The following CUX1 variants were observed in gnomAD, a reference collection of about 807,000 sequenced individuals.
CUX1 encodes the protein cut like homeobox 1, also known as protein CASP.
In CUX1, 31 loss-of-function variants were observed where a neutral mutation model predicts 158.8. That is an observed-to-expected ratio of 0.20 (90% confidence interval 0.15 to 0.26). CUX1 has a LOEUF of 0.26. CUX1 is among the 10% of genes least tolerant of loss of function. The pLI is 1.00. For synonymous variants in CUX1, 879 were observed against 862.1 expected, an observed-to-expected ratio of 1.02 and a Z score of -0.34; for missense variants, 1,589 against 2,014.6, an observed-to-expected ratio of 0.79 and a Z score of 4.04.
intron 1 of CUX1, among the ~76,000 whole-genome samples, chr7:101,865,999 C>G (rs1453259440): frequency 6.6e-6 from 1 of 152,152 alleles, no homozygotes; most frequent in African/African-American, 2.4e-5. Context: ...CCCTTTATTG[C>G]AGACTGGAAC....
intron 17 of CUX1, among the ~76,000 whole-genome samples, chr7:102,276,267 A>T (rs1791600148): frequency 6.6e-6 from 1 of 152,086 alleles, no homozygotes; most frequent in Non-Finnish European, 1.5e-5. Flanking sequence ...AGGAAGCGTC[A>T]TACTGCCATA....
chr7:101,820,336 C>G (rs1036350150), intron 1 of CUX1, among the ~76,000 whole-genome samples: 1 of 152,162 alleles, frequency 6.6e-6, no homozygotes, highest in Non-Finnish European at 1.5e-5. Context: ...AAGAATCCTA[C>G]AGAGGTAGGT....
At chr7:101,861,080 C>A (rs1353176207) in intron 1 of CUX1, among the ~76,000 whole-genome samples, 1 of 152,172 alleles carries the variant, frequency 6.6e-6, no homozygotes, top group African/African-American at 2.4e-5. Flanking sequence ...CTGCACCCGG[C>A]CTGCACTAGT....
At chr7:102,060,916 T>G (rs1199280031) in intron 3 of CUX1, among the ~76,000 whole-genome samples, 2 of 136,246 alleles carry the variant, frequency 1.5e-5, no homozygotes, top group Non-Finnish European at 3.1e-5. Context: ...CTGGCCTTTT[T>G]TTTTTTTTTT....
intron 3 of CUX1, among the ~76,000 whole-genome samples, chr7:102,036,833 T>C (rs1220162534): frequency 1.3e-5 from 2 of 151,884 alleles, no homozygotes; most frequent in Admixed American, 6.6e-5. Flanking sequence ...AAAGATGGTA[T>C]GGATCAGTGA....
chr7:102,082,960 C>T lies in CUX1; in HGVS notation c.268+12543C>T, dbSNP rs905848247. On this transcript the variant is annotated intron_variant, in intron 4 of 23. Coordinates refer to ENST00000292535, the MANE Select transcript of CUX1 (RefSeq NM_181552.4). ...TGTTTTTATTTCCCTTAGGCAAATA[C>T]TTAGGATGAGGGTCAGGGAACCTGT... 2.7e-5 allele frequency among the ~76,000 whole-genome samples: 4 copies of T among 147,452 alleles called. 1 individual carries two copies. The highest frequency in any genetic ancestry group is 6.1e-5 in the Non-Finnish European group (4 of 65,280).
At chr7:101,822,568 A>G (rs779104477) in intron 1 of CUX1, 1 of 152,310 alleles carries the variant, frequency 6.6e-6, no homozygotes, top group South Asian at 2.1e-4. Flanking sequence ...GTGCTGCCCT[A>G]TTCGGGTATT....
chr7:102,235,937 G>C (rs558920683), intron 22 of CUX1, among the ~76,000 whole-genome samples: 246 of 152,140 alleles, frequency 1.6e-3, no homozygotes, highest in African/African-American at 5.6e-3. Context: ...AGTGTCTGGT[G>C]CCTCCTCCAG....
At chr7:102,158,508 C>G (rs373155551) in intron 8 of CUX1, 52 bp from the exon 9 acceptor site, 1 of 1,591,546 alleles carries the variant, frequency 6.3e-7, no homozygotes, top group Non-Finnish European at 8.6e-7. Context: ...TCAGTCACCC[C>G]CTGAGCCGGT....
In CUX1 at chr7:102,253,355, G is replaced by A. The variant is rs1554540836; in HGVS notation, c.*4313G>A. 6 of 985,348 alleles carry A rather than the reference G, an allele frequency of 6.1e-6. No homozygotes were observed. Among genetic ancestry groups the A allele is most frequent in the Non-Finnish European group, 7.2e-6 (6 of 829,958 alleles). The allele number at this position is 985,348 out of a possible 1,614,324, so 61.0% of individuals were successfully genotyped here. On this transcript the variant is annotated 3_prime_UTR_variant, in exon 24 of 24. Coordinates refer to ENST00000292535, the MANE Select transcript of CUX1 (RefSeq NM_181552.4). ...TTACACAGGCTGCAAAGAGATCGCTGTGGGCCTCGGCTGACTACTTTAAGA... is the reference window on the plus strand; with the variant it reads ...TTACACAGGCTGCAAAGAGATCGCTATGGGCCTCGGCTGACTACTTTAAGA...
Position 101,869,956 on chromosome 7 carries a change from G to A in CUX1, c.31-46159G>A, listed in dbSNP as rs533633770. Among the ~76,000 whole-genome samples, 4 of 152,072 alleles carry A rather than the reference G, an allele frequency of 2.6e-5. No homozygotes were observed. The highest frequency in any genetic ancestry group is 3.4e-3 in the Middle Eastern group (1 of 294). On this transcript the variant is annotated intron_variant, in intron 1 of 23. Transcript: ENST00000292535. This position sits in a 1 kb window ranked among gnomAD's most constrained non-coding sequence, Gnocchi z 4.5. Reference sequence around the variant, plus strand: ...CCGCAGAACCACCACCCTTGGGAAGGCGGCTCCTCGTGCCCCCCCTCTTGT... The same window carrying A: ...CCGCAGAACCACCACCCTTGGGAAGACGGCTCCTCGTGCCCCCCCTCTTGT...
chr7:102,247,405 C>T (rs1554537303), intron 23 of CUX1, among the ~76,000 whole-genome samples: 1 of 152,192 alleles, frequency 6.6e-6, no homozygotes, highest in African/African-American at 2.4e-5. Flanking sequence ...GATGAACTCA[C>T]CCAGCCTTCG....
intron 2 of CUX1, among the ~76,000 whole-genome samples, chr7:101,924,249 G>A (rs757226155): frequency 2.6e-5 from 4 of 152,138 alleles, no homozygotes; most frequent in Non-Finnish European, 5.9e-5. Flanking sequence ...GATGGGTGAG[G>A]GAGTGGAGGG....
chr7:101,890,937 A>G (rs1800815512), intron 1 of CUX1, among the ~76,000 whole-genome samples: 1 of 150,400 alleles, frequency 6.6e-6, no homozygotes, highest in African/African-American at 2.4e-5. Flanking sequence ...TTCTTTTGTC[A>G]CTTAAGTAGG....
At chr7:101,886,921 A>T (rs977931902) in intron 1 of CUX1, among the ~76,000 whole-genome samples, 1 of 152,170 alleles carries the variant, frequency 6.6e-6, no homozygotes, top group Non-Finnish European at 1.5e-5. Flanking sequence ...TTCACCAGCA[A>T]CAAGAGGAGC....
At chr7:102,204,239 C>T (rs915013194) in intron 18 of CUX1, 152 bp from the exon 19 acceptor site, 9 of 978,354 alleles carry the variant, frequency 9.2e-6, no homozygotes, top group Non-Finnish European at 1.4e-5. Flanking sequence ...TATTCCCTGC[C>T]CACAAGCTGT....
intron 2 of CUX1, among the ~76,000 whole-genome samples, chr7:101,941,802 T>C (rs1164703009): frequency 3.3e-5 from 5 of 152,220 alleles, no homozygotes; most frequent in Admixed American, 6.5e-5. Context: ...ACGAAAGCCT[T>C]TGGACGCACG....
chr7:102,117,631 CAGCCAGGGG>C (rs1365385731), intron 8 of CUX1, among the ~76,000 whole-genome samples: 3 of 152,148 alleles, frequency 2.0e-5, no homozygotes, highest in Admixed American at 2.0e-4. Flanking sequence ...CTCCTCCCAC[CAGCCAGGGG>C]AGCTGGGGAA....
Position 102,070,307 on chromosome 7 carries a change from GTTT to G in CUX1, c.190-29_190-27del, listed in dbSNP as rs568951120. ...CCTCTTGACAAATGTTGAGCTCTTT[GTTT>G]TTCTTTTCTTTCTTTCCTTCCCTTT... On this transcript the variant is annotated intron_variant, in intron 3 of 23. Transcript: ENST00000292535. 244 of 1,573,236 alleles carry G rather than the reference GTTT, an allele frequency of 1.6e-4. 2 individuals are homozygous for G. The South Asian group carries it at 1.7e-3, about 11-fold the overall frequency.
Sources: gnomAD v4.1 joint callset for allele counts (sites outside exome capture counted in the v4.1 genomes callset) on GRCh38, gnomAD v4.1.1 for gene constraint, Gnocchi (gnomAD v3.1) non-coding constraint, MANE v1.5 for transcripts, NCBI Gene and HGNC (gene_info 2026-07-23, HGNC 2026-07-21) for gene names.